LDLRAD4: variants seen among roughly 807,000 people sequenced by gnomAD.
LDLRAD4 encodes the protein low-density lipoprotein receptor class A domain-containing protein 4.
In LDLRAD4, 5 loss-of-function variants were observed where a neutral mutation model predicts 17.0. The observed-to-expected ratio is 0.29, with a 90% CI of 0.15 to 0.62. The LOEUF (loss-of-function observed/expected upper bound fraction) is 0.62, where lower values mean the gene tolerates loss of function less well. Among genes scored for constraint, LDLRAD4 ranks in the 20% least tolerant of loss-of-function variants. The pLI is 0.84. For missense variants in LDLRAD4, 340 were observed against 424.7 expected (o/e 0.80, Z 1.75); for synonymous variants, 168 against 171.8 (o/e 0.98, Z 0.17).
intron 1 of LDLRAD4, among the ~76,000 whole-genome samples, chr18:13,261,577 G>T (rs527499754): frequency 8.5e-5 from 13 of 152,192 alleles, no homozygotes; most frequent in Non-Finnish European, 4.4e-5. Flanking sequence ...AACCTCAGCC[G>T]TACCCTAGAG....
At chr18:13,505,938 C>T (rs1331822788) in intron 3 of LDLRAD4, among the ~76,000 whole-genome samples, 1 of 152,192 alleles carries the variant, frequency 6.6e-6, no homozygotes, top group Admixed American at 6.5e-5. Flanking sequence ...CATCCTGTCA[C>T]CCGCAGTGTG....
At chr18:13,578,464 C>T (rs1218794830) in intron 3 of LDLRAD4, among the ~76,000 whole-genome samples, 1 of 152,218 alleles carries the variant, frequency 6.6e-6, no homozygotes, top group Non-Finnish European at 1.5e-5. Flanking sequence ...TCATCGGAAC[C>T]ACCTTCTTTG....
chr18:13,600,584 C>T (rs1400857998), intron 3 of LDLRAD4, among the ~76,000 whole-genome samples: 2 of 152,198 alleles, frequency 1.3e-5, no homozygotes, highest in Non-Finnish European at 2.9e-5. Context: ...TCAAGGTTCG[C>T]CATTTGCTGT....
At chr18:13,640,144 T>A (rs2042407160) in intron 4 of LDLRAD4, among the ~76,000 whole-genome samples, 1 of 151,776 alleles carries the variant, frequency 6.6e-6, no homozygotes, top group Admixed American at 6.6e-5. Flanking sequence ...AAAAACAAAA[T>A]TAGCTGGGTG....
chr18:13,571,630 A>C (rs2094692197), intron 3 of LDLRAD4, among the ~76,000 whole-genome samples: 1 of 152,076 alleles, frequency 6.6e-6, no homozygotes, highest in African/African-American at 2.4e-5. Flanking sequence ...ATTATTCATA[A>C]ACTTTTTATT....
At chr18:13,604,348 A>G (rs2095198320) in intron 3 of LDLRAD4, among the ~76,000 whole-genome samples, 1 of 152,326 alleles carries the variant, frequency 6.6e-6, no homozygotes, top group East Asian at 1.9e-4. Flanking sequence ...CCTAACAGCT[A>G]TGGGAATAAC....
intron 1 of LDLRAD4, among the ~76,000 whole-genome samples, chr18:13,235,654 A>G (rs2042298400): frequency 6.6e-6 from 1 of 152,250 alleles, no homozygotes; most frequent in South Asian, 2.1e-4. Context: ...GATGGCTTTT[A>G]GCCTGTGTAA....
chr18:13,360,396 A>G (rs980107402), intron 1 of LDLRAD4, among the ~76,000 whole-genome samples: 6 of 152,252 alleles, frequency 3.9e-5, no homozygotes, highest in African/African-American at 1.4e-4. Flanking sequence ...GTGGTATTAC[A>G]GCGCAGCCAG....
intron 3 of LDLRAD4, among the ~76,000 whole-genome samples, chr18:13,564,038 TG>T (rs2094568180): frequency 6.6e-6 from 1 of 152,188 alleles, no homozygotes; most frequent in East Asian, 1.9e-4. Flanking sequence ...CCCAAAGAGC[TG>T]GGACCACAGG....
chr18:13,551,236 CAG>C (rs2094431556), intron 3 of LDLRAD4, among the ~76,000 whole-genome samples: 1 of 152,206 alleles, frequency 6.6e-6, no homozygotes, highest in African/African-American at 2.4e-5. Context: ...GCCTTTCCGA[CAG>C]AGCAGCAGCG....
intron 1 of LDLRAD4, among the ~76,000 whole-genome samples, chr18:13,353,183 C>T (rs775992043): frequency 1.8e-4 from 28 of 151,924 alleles, no homozygotes; most frequent in Admixed American, 4.6e-4. Context: ...TTTTGTATGT[C>T]GTGTGCTTTT....
At chr18:13,576,442 A>G (rs1257487839) in intron 3 of LDLRAD4, among the ~76,000 whole-genome samples, 1 of 81,508 alleles carries the variant, frequency 1.2e-5, no homozygotes, top group Non-Finnish European at 3.4e-5. Context: ...AAAAAAAAAG[A>G]AAGAAAGAAA....
intron 3 of LDLRAD4, among the ~76,000 whole-genome samples, chr18:13,534,120 T>C (rs2094168537): frequency 6.6e-6 from 1 of 152,230 alleles, no homozygotes; most frequent in Non-Finnish European, 1.5e-5. Flanking sequence ...GGTGGTTTTG[T>C]ACTTTGCCAC....
chr18:13,251,453 T>C (rs941571129), intron 1 of LDLRAD4, among the ~76,000 whole-genome samples: 11 of 152,220 alleles, frequency 7.2e-5, no homozygotes, highest in Admixed American at 3.3e-4. Flanking sequence ...GCAAATGACA[T>C]GATCTTATAT....
In LDLRAD4 at chr18:13,440,935, C is replaced by T. The variant is rs192637543; in HGVS notation, c.181+2551C>T. On this transcript the variant is annotated intron_variant, in intron 3 of 5. Coordinates refer to ENST00000359446, the Ensembl canonical transcript of LDLRAD4. The surrounding 1 kb of genome is among the most constrained non-coding windows in gnomAD (Gnocchi z 4.4). ...TTCTGTCCCCTGGGGAAGGCTGCCA[C>T]CTGGCCTGTGGCTGCCCCCTACGTT... Among the ~76,000 whole-genome samples the T allele has an allele frequency of 6.3e-4, 96 of 152,326 alleles. 2 individuals are homozygous for T. Among genetic ancestry groups the T allele is most frequent in the Admixed American group, 6.3e-3 (96 of 15,310 alleles).
chr18:13,581,426 C>G (rs2094855942), intron 3 of LDLRAD4, among the ~76,000 whole-genome samples: 1 of 152,178 alleles, frequency 6.6e-6, no homozygotes, highest in Non-Finnish European at 1.5e-5. Flanking sequence ...CTAGCATATT[C>G]AAACAGCCGA....
intron 3 of LDLRAD4, among the ~76,000 whole-genome samples, chr18:13,605,642 G>A (rs560041970): frequency 6.6e-5 from 10 of 152,204 alleles, no homozygotes; most frequent in Non-Finnish European, 1.2e-4. Context: ...AGCACAGAGC[G>A]GAGGACAGCA....
chr18:13,307,728 T>C (rs2046996892), intron 1 of LDLRAD4, among the ~76,000 whole-genome samples: 1 of 152,230 alleles, frequency 6.6e-6, no homozygotes, highest in Non-Finnish European at 1.5e-5. Context: ...CCCTAATTTT[T>C]TAAATAACAT....
intron 3 of LDLRAD4, among the ~76,000 whole-genome samples, chr18:13,439,805 C>T (rs984880025): frequency 1.3e-5 from 2 of 152,184 alleles, no homozygotes; most frequent in Non-Finnish European, 2.9e-5. Context: ...GGCAGCAGGC[C>T]AGAGGGTCGG....
Sources: allele counts gnomAD v4.1 joint callset (sites outside exome capture counted in the v4.1 genomes callset), GRCh38; gene constraint gnomAD v4.1.1; non-coding constraint Gnocchi (gnomAD v3.1); transcripts MANE v1.5; gene names NCBI Gene and HGNC (gene_info 2026-07-23, HGNC 2026-07-21).